SERPINB12: variants seen among roughly 807,000 people sequenced by gnomAD.
The protein encoded by SERPINB12 is serpin B12.
Under a neutral mutation model 41.1 loss-of-function variants are expected in SERPINB12, and 57 were observed. That is an observed-to-expected ratio of 1.39 (90% CI 1.12 to 1.73). The LOEUF (loss-of-function observed/expected upper bound fraction) is 1.73. Among genes scored for constraint, SERPINB12 ranks in the 40% most tolerant of loss-of-function variants. The probability of loss-of-function intolerance (pLI) is 0.00; values close to 1 mark genes in which losing one functional copy is unlikely to be tolerated. For synonymous variants in SERPINB12, 180 were observed against 181.3 expected, an observed-to-expected ratio of 0.99 and a Z score of 0.06; for missense variants, 536 against 501.9, an observed-to-expected ratio of 1.07 and a Z score of -0.65.
At chr18:63,525,483 T>C in the SERPINB12 span, among the ~76,000 whole-genome samples, 1 of 152,168 alleles carries the variant, frequency 6.6e-6, no homozygotes, top group Admixed American at 6.5e-5. Context: ...ACAATTTTAT[T>C]AATAGAGTCA....
chr18:63,545,373 C>T (rs1369105153), intron 1 of SERPINB12, among the ~76,000 whole-genome samples: 1 of 152,076 alleles, frequency 6.6e-6, no homozygotes, highest in Non-Finnish European at 1.5e-5. Context: ...GTGTAAAGTA[C>T]CAAATGCAGC....
rs547337309 is a variant in SERPINB12 at position 63,554,979 on chromosome 18, C to T, written c.-18-1163C>T. Reference sequence around the variant, plus strand: ...CTCCTTTTCTCTCTCTCTCTCCTGCCGCCTAATGAAGAAGGTACTTGTTTC... The same window carrying T: ...CTCCTTTTCTCTCTCTCTCTCCTGCTGCCTAATGAAGAAGGTACTTGTTTC... On this transcript the variant is annotated intron_variant, in intron 1 of 7. Transcript: ENST00000382768. Among the ~76,000 whole-genome samples the T allele has an allele frequency of 1.3e-4, 20 of 152,218 alleles. No homozygotes were observed. The South Asian group carries it at 2.5e-3, about 19-fold the overall frequency.
the SERPINB12 span, among the ~76,000 whole-genome samples, chr18:63,521,356 A>G: frequency 6.6e-5 from 10 of 152,228 alleles, no homozygotes; most frequent in South Asian, 2.1e-4. Flanking sequence ...GTTATCCCTC[A>G]GTGTCAGTGT....
the SERPINB12 span, among the ~76,000 whole-genome samples, chr18:63,531,845 G>C: frequency 6.6e-6 from 1 of 152,122 alleles, no homozygotes; most frequent in East Asian, 1.9e-4. Context: ...TATGGTTGAG[G>C]AAAATTTTAA....
chr18:63,531,000 G>A, the SERPINB12 span, among the ~76,000 whole-genome samples: 7 of 151,980 alleles, frequency 4.6e-5, no homozygotes, highest in Admixed American at 3.9e-4. Flanking sequence ...TATGCTGCAT[G>A]GCTCGAAAAA....
rs1599432483 is a variant in SERPINB12, at chr18:63,568,687, T to C, written c.*1676T>C. Among the ~76,000 whole-genome samples, 1 of 152,296 alleles carries C rather than the reference T, an allele frequency of 6.6e-6. No homozygotes were observed. Among genetic ancestry groups the C allele is most frequent in the Non-Finnish European group, 1.5e-5 (1 of 68,030 alleles). ...GTTTCCTTGGCCCACCTTGTGGCTG[T>C]CCTCCTCCCAGCTGCCACCAGTCGT... On this transcript the variant is annotated 3_prime_UTR_variant, in exon 8 of 8. Transcript: ENST00000382768.
In SERPINB12 at chr18:63,564,075, C is replaced by A. The variant is rs118040091; in HGVS notation, c.660C>A (p.Tyr220Ter). Residue 220 changes from tyrosine (Y) to a stop codon, truncating the protein, a stop_gained, in exon 6 of 8, where the codon TAC (tyrosine) becomes TAA (stop). Transcript: ENST00000382768. LOFTEE classifies it high-confidence loss of function. ...ACTTCAAGGCCAAATGGGAAACATA[C>A]TTTGACCATGAAAACACGGTGGATG... ...AVYFKAKWETYFDHENTVDAP... is the reference protein window; with the variant it reads ...AVYFKAKWET 3.7e-4 allele frequency: 595 copies of A among 1,614,080 alleles called. No individual in the cohort carries two copies. Among genetic ancestry groups the A allele is most frequent in the Non-Finnish European group, 4.4e-4 (521 of 1,179,972 alleles).
the SERPINB12 span, among the ~76,000 whole-genome samples, chr18:63,523,868 C>T: frequency 6.6e-6 from 1 of 152,136 alleles, no homozygotes; most frequent in Non-Finnish European, 1.5e-5. Flanking sequence ...GGCAGTGATG[C>T]GTGACTTGCA....
At chr18:63,524,081 G>A in the SERPINB12 span, among the ~76,000 whole-genome samples, 212 of 152,114 alleles carry the variant, frequency 1.4e-3, no homozygotes, top group Non-Finnish European at 2.7e-3. Context: ...AGATGTTGCA[G>A]TTCAGAAAAT....
At chr18:63,566,496 T>A in intron 7 of SERPINB12, 111 bp from the exon 8 acceptor site, 1 of 869,528 alleles carries the variant, frequency 1.2e-6, no homozygotes, top group Non-Finnish European at 1.8e-6. Context: ...TAGGGAAAGG[T>A]CTTGAAGGTT....
At chr18:63,545,728 T>C (rs1910372913) in intron 1 of SERPINB12, among the ~76,000 whole-genome samples, 1 of 152,106 alleles carries the variant, frequency 6.6e-6, no homozygotes. Context: ...GTTCTGAATA[T>C]GAATGGTATA....
upstream of SERPINB12, among the ~76,000 whole-genome samples, chr18:63,542,190 A>C (rs1320734190): frequency 6.6e-6 from 1 of 152,152 alleles, no homozygotes; most frequent in Non-Finnish European, 1.5e-5. Flanking sequence ...TTCCCCTCTA[A>C]AGGAGAGGCC....
Position 63,561,110 on chromosome 18 carries a change from T to C in SERPINB12, c.470T>C (p.Phe157Ser). 6.2e-7 allele frequency: 1 copy of C among 1,611,950 alleles called. No homozygotes were observed. The highest frequency in any genetic ancestry group is 8.5e-7 in the Non-Finnish European group (1 of 1,178,154). The change falls in exon 5 of 8, where the codon TTT becomes TCT. Residue 157 changes from phenylalanine (F) to serine (S), a missense_variant. Transcript: ENST00000382768. The stretch of plus-strand genomic sequence containing the variant: ...GAATACTTAGATGGTGTGATTCAAT[T>C]TTACCACACGACGATTGAAAGTGTT... The part of the protein sequence containing the change: ...CQEYLDGVIQ[F>S]YHTTIESVDF...
At chr18:63,557,429 T>C (rs370187018) in intron 2 of SERPINB12, among the ~76,000 whole-genome samples, 18 of 152,318 alleles carry the variant, frequency 1.2e-4, no homozygotes, top group African/African-American at 4.3e-4. Context: ...CCAAATAAAC[T>C]ACAAGTTCCC....
chr18:63,541,980 C>G (rs1014908120), upstream of SERPINB12, among the ~76,000 whole-genome samples: 1 of 152,144 alleles, frequency 6.6e-6, no homozygotes, highest in Non-Finnish European at 1.5e-5. Flanking sequence ...TGTCACTACT[C>G]AATTTATTTG....
At chr18:63,539,069 G>C (rs73961707), upstream of SERPINB12, among the ~76,000 whole-genome samples, 9,572 of 152,092 alleles carry the variant, frequency 0.063, 633 homozygotes, top group East Asian at 0.29. Flanking sequence ...GGATGGCTGA[G>C]ACCACCAACC....
upstream of SERPINB12, among the ~76,000 whole-genome samples, chr18:63,540,691 A>G (rs1910254534): frequency 6.6e-6 from 1 of 152,200 alleles, no homozygotes; most frequent in Admixed American, 6.6e-5. Flanking sequence ...TTGATATTCT[A>G]TGCTCAGGAG....
the SERPINB12 span, among the ~76,000 whole-genome samples, chr18:63,533,034 A>G: frequency 1.7e-3 from 263 of 152,016 alleles, no homozygotes; most frequent in African/African-American, 6.1e-3. Context: ...GCTGGAGTGC[A>G]GTGGCGCAAT....
intron 1 of SERPINB12, among the ~76,000 whole-genome samples, chr18:63,544,779 G>T (rs1910347209): frequency 6.6e-6 from 1 of 152,010 alleles, no homozygotes; most frequent in African/African-American, 2.4e-5. Flanking sequence ...CTTTTTATGT[G>T]TTATAAGACT....
Sources: gnomAD v4.1 joint callset for allele counts (sites outside exome capture counted in the v4.1 genomes callset) on GRCh38, gnomAD v4.1.1 for gene constraint, MANE v1.5 for transcripts, NCBI Gene and HGNC (gene_info 2026-07-23, HGNC 2026-07-21) for gene names.